NEIL3: variants seen among roughly 807,000 people sequenced by gnomAD.
NEIL3 encodes the protein endonuclease 8-like 3.
NEIL3 carries 48 observed loss-of-function variants against 57.5 expected under a neutral mutation model. The observed-to-expected ratio is 0.83, with a 90% CI of 0.66 to 1.06. NEIL3 has a LOEUF of 1.06. Ranked by LOEUF, NEIL3 falls within the 50% of genes least tolerant of loss-of-function variation. The pLI, the probability that NEIL3 is intolerant of heterozygous loss-of-function variation, is 0.00. For synonymous variants in NEIL3, 261 were observed against 253.2 expected (o/e 1.03, Z -0.29); for missense variants, 717 against 739.1 (o/e 0.97, Z 0.35).
intron 2 of NEIL3, 107 bp downstream of exon 2, chr4:177,322,687 GT>G (rs144711751): frequency 1.6e-6 from 2 of 1,283,336 alleles, no homozygotes; most frequent in African/African-American, 1.5e-5. Context: ...GAAGTACTGT[GT>G]TTTTAAGAGA....
At chr4:177,319,768 TGA>T (rs760873305) in intron 1 of NEIL3, among the ~76,000 whole-genome samples, 104 of 152,074 alleles carry the variant, frequency 6.8e-4, no homozygotes, top group Non-Finnish European at 1.3e-3. Flanking sequence ...CTACTATATA[TGA>T]GAGAGAGAGA....
rs1578995554 is a variant in NEIL3, at chr4:177,335,916, A to C, written c.413+94A>C. The stretch of plus-strand genomic sequence containing the variant: ...TAACTAAAGAAACAAATAAATAAAG[A>C]GTTTGTAATTGATGAAACCTCATTT... On this transcript the variant is annotated intron_variant, in intron 3 of 9. Coordinates refer to ENST00000264596, the MANE Select transcript of NEIL3 (RefSeq NM_018248.3). 2.4e-6 allele frequency: 3 copies of C among 1,248,158 alleles called. No homozygotes were observed. In the East Asian group the frequency reaches 7.3e-5, roughly 30 times the overall value. 77.3% of individuals were successfully genotyped at this position (1,248,158 alleles called of 1,614,324 possible).
At chr4:177,324,448 C>T (rs1020734326) in intron 2 of NEIL3, among the ~76,000 whole-genome samples, 2 of 152,106 alleles carry the variant, frequency 1.3e-5, no homozygotes, top group African/African-American at 4.8e-5. Context: ...AAGTAGAATA[C>T]GAGCATAGCC....
chr4:177,328,019 C>CT (rs1184425563), intron 2 of NEIL3, among the ~76,000 whole-genome samples: 3 of 152,106 alleles, frequency 2.0e-5, no homozygotes, highest in Non-Finnish European at 4.4e-5. Flanking sequence ...TTTTCTGTTA[C>CT]TGCCTTTGTC....
chr4:177,357,948 A>G (rs1225305597), intron 8 of NEIL3, among the ~76,000 whole-genome samples: 1 of 152,258 alleles, frequency 6.6e-6, no homozygotes, highest in Non-Finnish European at 1.5e-5. Context: ...TATATTTTAG[A>G]AAGTTTTTAT....
At chr4:177,344,511 G>A (rs944698070) in intron 6 of NEIL3, among the ~76,000 whole-genome samples, 2 of 151,982 alleles carry the variant, frequency 1.3e-5, no homozygotes, top group Non-Finnish European at 2.9e-5. Flanking sequence ...AGTTTCTACT[G>A]ATCATATCAC....
downstream of NEIL3, among the ~76,000 whole-genome samples, chr4:177,364,647 T>C (rs75377114): frequency 0.13 from 20,342 of 151,966 alleles, 1,542 homozygotes; most frequent in Middle Eastern, 0.24. Flanking sequence ...AGAGCTGAGC[T>C]GGCCGGGCAC....
intron 2 of NEIL3, among the ~76,000 whole-genome samples, chr4:177,334,330 A>C (rs1734935901): frequency 6.6e-6 from 1 of 152,176 alleles, no homozygotes; most frequent in Non-Finnish European, 1.5e-5. Flanking sequence ...ATAAATAAAA[A>C]TTTAAAAAAA....
intron 6 of NEIL3, among the ~76,000 whole-genome samples, chr4:177,343,896 C>CTGT (rs1735156154): frequency 6.6e-6 from 1 of 151,708 alleles, no homozygotes; most frequent in African/African-American, 2.4e-5. Flanking sequence ...CTAGATACTG[C>CTGT]GTTGAACACA....
At chr4:177,335,124 T>TA (rs928629918) in intron 2 of NEIL3, among the ~76,000 whole-genome samples, 3 of 151,616 alleles carry the variant, frequency 2.0e-5, no homozygotes, top group Non-Finnish European at 4.4e-5. Context: ...TTTGCAAAAA[T>TA]AAAAAAAATT....
At chr4:177,355,866 GT>G (rs1453915775) in intron 8 of NEIL3, among the ~76,000 whole-genome samples, 1 of 151,952 alleles carries the variant, frequency 6.6e-6, no homozygotes, top group African/African-American at 2.4e-5. Context: ...TCCTTGACTG[GT>G]TTTTTTAATG....
intron 8 of NEIL3, among the ~76,000 whole-genome samples, chr4:177,360,153 AT>A (rs1471300842): frequency 1.3e-5 from 2 of 152,224 alleles, no homozygotes; most frequent in Non-Finnish European, 2.9e-5. Context: ...ACTTGAGAAT[AT>A]TTTAGAGGAA....
chr4:177,344,255 A>G (rs1735164707), intron 6 of NEIL3, among the ~76,000 whole-genome samples: 1 of 152,228 alleles, frequency 6.6e-6, no homozygotes, highest in Admixed American at 6.5e-5. Context: ...TACATATTTT[A>G]AAAAGCTTGA....
At chr4:177,348,339 T>A (rs940596885) in intron 6 of NEIL3, among the ~76,000 whole-genome samples, 1 of 151,890 alleles carries the variant, frequency 6.6e-6, no homozygotes, top group Non-Finnish European at 1.5e-5. Flanking sequence ...CTCTACCAGG[T>A]TGTTTCTGAG....
chr4:177,324,022 A>G (rs532892310), intron 2 of NEIL3, among the ~76,000 whole-genome samples: 128 of 152,284 alleles, frequency 8.4e-4, no homozygotes, highest in Non-Finnish European at 1.4e-3. Context: ...GGATGTAACA[A>G]TTCAAGGTCA....
At chr4:177,349,162 G>T (rs758246182) in intron 6 of NEIL3, among the ~76,000 whole-genome samples, 14 of 151,650 alleles carry the variant, frequency 9.2e-5, no homozygotes, top group Non-Finnish European at 5.9e-5. Flanking sequence ...GATTACAGGC[G>T]TGAGCCACCG....
chr4:177,311,990 G>A (rs1734487168), intron 1 of NEIL3, among the ~76,000 whole-genome samples: 1 of 152,212 alleles, frequency 6.6e-6, no homozygotes. Context: ...ATACGAAGAT[G>A]AGTAGGATAT....
intron 1 of NEIL3, among the ~76,000 whole-genome samples, chr4:177,315,068 CAAAA>C (rs61100906): frequency 0.082 from 8,756 of 106,402 alleles, 701 homozygotes; most frequent in African/African-American, 0.24. Flanking sequence ...GACTCCGTCT[CAAAA>C]AAAAAAAAAA....
chr4:177,327,519 A>G (rs1259158799), intron 2 of NEIL3, among the ~76,000 whole-genome samples: 1 of 152,188 alleles, frequency 6.6e-6, no homozygotes, highest in Non-Finnish European at 1.5e-5. Context: ...TGCACCTATC[A>G]ACCTGTCATC....
Sources: allele counts gnomAD v4.1 joint callset (sites outside exome capture counted in the v4.1 genomes callset), GRCh38; gene constraint gnomAD v4.1.1; transcripts MANE v1.5; gene names NCBI Gene and HGNC (gene_info 2026-07-23, HGNC 2026-07-21).